CDC42BPA: variants seen among roughly 807,000 people sequenced by gnomAD.
The protein encoded by CDC42BPA is CDC42 binding protein kinase alpha.
In CDC42BPA, 80 loss-of-function variants were observed where a neutral mutation model predicts 223.5. The observed-to-expected ratio is 0.36, with a 90% CI of 0.30 to 0.43. The LOEUF (loss-of-function observed/expected upper bound fraction) is 0.43. CDC42BPA is among the 20% of genes least tolerant of loss of function. The pLI is 1.00. For synonymous variants in CDC42BPA, 694 were observed against 718.6 expected, an observed-to-expected ratio of 0.97 and a Z score of 0.55; for missense variants, 1,743 against 2,099.9, an observed-to-expected ratio of 0.83 and a Z score of 3.32.
chr1:227,107,597 G>A (rs1169679905), intron 14 of CDC42BPA, among the ~76,000 whole-genome samples: 3 of 152,172 alleles, frequency 2.0e-5, no homozygotes, highest in Non-Finnish European at 4.4e-5. Flanking sequence ...GGGAAGGATT[G>A]CTGTTAATTT....
At chr1:227,055,277 A>T (rs979371744) in intron 21 of CDC42BPA, among the ~76,000 whole-genome samples, 2 of 152,158 alleles carry the variant, frequency 1.3e-5, no homozygotes, top group Non-Finnish European at 2.9e-5. Flanking sequence ...ACAATATCTC[A>T]AAAGTGTTAC....
intron 15 of CDC42BPA, among the ~76,000 whole-genome samples, chr1:227,097,851 G>C (rs904947086): frequency 6.6e-6 from 1 of 152,162 alleles, no homozygotes; most frequent in Non-Finnish European, 1.5e-5. Context: ...CCCACCCCAA[G>C]GGAAGAATCA....
intron 1 of CDC42BPA, among the ~76,000 whole-genome samples, chr1:227,316,137 C>A (rs1294642151): frequency 2.6e-5 from 4 of 152,278 alleles, no homozygotes; most frequent in Middle Eastern, 6.8e-3. Flanking sequence ...CGTACCACTA[C>A]TACAGACAGA....
intron 26 of CDC42BPA, 143 bp downstream of exon 26, chr1:227,034,512 C>G: frequency 1.4e-6 from 1 of 739,940 alleles, no homozygotes. Flanking sequence ...ATTTTCAATT[C>G]TGTTTCTATA....
chr1:227,261,572 A>T (rs1684082256), intron 1 of CDC42BPA, among the ~76,000 whole-genome samples: 2 of 144,640 alleles, frequency 1.4e-5, no homozygotes, highest in African/African-American at 5.8e-5. Flanking sequence ...CAATCAAACT[A>T]ATGAAGGAGA....
intron 5 of CDC42BPA, among the ~76,000 whole-genome samples, chr1:227,173,526 G>A (rs150077235): frequency 6.1e-4 from 93 of 152,224 alleles, no homozygotes; most frequent in Non-Finnish European, 1.0e-3. Flanking sequence ...CAACATTTGG[G>A]AAGGGCTGGA....
At chr1:227,049,946 G>A in intron 22 of CDC42BPA, among the ~76,000 whole-genome samples, 1 of 137,366 alleles carries the variant, frequency 7.3e-6, no homozygotes, top group East Asian at 2.1e-4. Flanking sequence ...TATAATCTCT[G>A]CATAGAGAAC....
chr1:227,228,998 T>C (rs1304878042), intron 2 of CDC42BPA, among the ~76,000 whole-genome samples: 2 of 152,208 alleles, frequency 1.3e-5, no homozygotes, highest in East Asian at 3.8e-4. Context: ...ATGGTGTTTT[T>C]TGGAGGCACA....
At position 227,080,954 on chromosome 1, in the gene CDC42BPA, G is replaced by C. The variant is rs1260263011; in HGVS notation, c.2419C>G (p.Leu807Val). The change falls in exon 17 of 37, where the codon CTA becomes GTA. Residue 807 changes from leucine (L) to valine (V), a missense_variant. Leu to Val is a conservative substitution (Grantham distance 32). This residue lies in a region of CDC42BPA where 464 missense variants were observed against 488.0 expected (regional missense o/e 0.95). Transcript: ENST00000366766. ...NQQLEEEVKDLADKKESVAHW... is the reference protein window; with the variant it reads ...NQQLEEEVKDVADKKESVAHW... ...GCAACTGATTCTTTCTTGTCTGCTA[G>C]ATCTTTAACCTCTTCTTCTAACTGC... The C allele has an allele frequency of 6.2e-7, 1 of 1,613,574 alleles. No homozygotes were observed. Among genetic ancestry groups the C allele is most frequent in the Non-Finnish European group, 8.5e-7 (1 of 1,179,650 alleles).
At chr1:227,264,480 T>C (rs181906209) in intron 1 of CDC42BPA, among the ~76,000 whole-genome samples, 1 of 151,092 alleles carries the variant, frequency 6.6e-6, no homozygotes, top group East Asian at 1.9e-4. Flanking sequence ...GGCTATATTT[T>C]CAAATAAGAT....
intron 2 of CDC42BPA, among the ~76,000 whole-genome samples, chr1:227,239,844 C>T (rs1679720171): frequency 1.3e-5 from 2 of 152,086 alleles, no homozygotes; most frequent in African/African-American, 4.8e-5. Flanking sequence ...AATTCTTCCT[C>T]CCTCAGTTCA....
chr1:227,025,963 T>C (rs964289861), intron 31 of CDC42BPA, 92 bp downstream of exon 31: 9 of 672,422 alleles, frequency 1.3e-5, no homozygotes, highest in Non-Finnish European at 2.1e-5. Flanking sequence ...TTCCAGAAAA[T>C]GTTGAATTAA....
intron 6 of CDC42BPA, among the ~76,000 whole-genome samples, chr1:227,160,109 G>T (rs1326863995): frequency 6.6e-6 from 1 of 152,150 alleles, no homozygotes; most frequent in Non-Finnish European, 1.5e-5. Flanking sequence ...TCTGAAAAAG[G>T]GATTCATTTG....
At chr1:227,018,749 T>C (rs143850528) in intron 32 of CDC42BPA, among the ~76,000 whole-genome samples, 1 of 152,212 alleles carries the variant, frequency 6.6e-6, no homozygotes, top group Non-Finnish European at 1.5e-5. Flanking sequence ...GTCACACTAT[T>C]TTTTTGGTCT....
intron 1 of CDC42BPA, among the ~76,000 whole-genome samples, chr1:227,301,708 C>G (rs4344297): frequency 8.6e-5 from 13 of 151,872 alleles, no homozygotes; most frequent in African/African-American, 3.1e-4. Flanking sequence ...TTAAAATTTT[C>G]ATTTTTATCA....
rs775152842 is a variant in CDC42BPA at position 227,060,516 on chromosome 1, T to C, written c.2905-8531A>G. ...GCAACAATGTGACAAATGCTATCACTGAGATATGTACAAGGTTTGTATGGG... is the reference window on the plus strand; with the variant it reads ...GCAACAATGTGACAAATGCTATCACCGAGATATGTACAAGGTTTGTATGGG... On this transcript the variant is annotated intron_variant, in intron 21 of 36. Transcript: ENST00000366766. Among the ~76,000 whole-genome samples, 14 of 152,038 alleles carry C rather than the reference T, an allele frequency of 9.2e-5. 1 individual carries two copies. The highest frequency in any genetic ancestry group is 4.2e-4 in the South Asian group (2 of 4,812).
At chr1:227,175,903 C>T (rs11808962) in intron 5 of CDC42BPA, among the ~76,000 whole-genome samples, 8,799 of 152,180 alleles carry the variant, frequency 0.058, 841 homozygotes, top group African/African-American at 0.2. Flanking sequence ...CTCACTGCTA[C>T]GTGCTGGTCA....
chr1:227,159,170 C>T (rs1663378378), intron 6 of CDC42BPA, among the ~76,000 whole-genome samples: 1 of 152,064 alleles, frequency 6.6e-6, no homozygotes, highest in Non-Finnish European at 1.5e-5. Context: ...TTCTTTTTAA[C>T]AAAGTTATCA....
At chr1:227,313,343 A>G (rs16847634) in intron 1 of CDC42BPA, among the ~76,000 whole-genome samples, 22,804 of 152,156 alleles carry the variant, frequency 0.15, 2,072 homozygotes, top group African/African-American at 0.24. Context: ...AATGCCAGTA[A>G]CCAGTATCAT....
Sources: allele counts gnomAD v4.1 joint callset (sites outside exome capture counted in the v4.1 genomes callset), GRCh38; gene constraint gnomAD v4.1.1; regional missense constraint gnomAD v4.1.1; transcripts MANE v1.5; gene names NCBI Gene and HGNC (gene_info 2026-07-23, HGNC 2026-07-21).